GRM3: variants seen among roughly 807,000 people sequenced by gnomAD.
The protein encoded by GRM3 is metabotropic glutamate receptor 3.
Under a neutral mutation model 70.5 loss-of-function variants are expected in GRM3, and 26 were observed. The ratio of observed to expected loss-of-function variants is 0.37; its 90% CI spans 0.27 to 0.51. The LOEUF is 0.51. Ranked by LOEUF, GRM3 falls within the 20% of genes least tolerant of loss-of-function variation. The pLI is 0.93. For missense variants in GRM3, 859 were observed against 1,123.8 expected, an observed-to-expected ratio of 0.76 and a Z score of 3.37; for synonymous variants, 443 against 434.9, an observed-to-expected ratio of 1.02 and a Z score of -0.23.
intron 1 of GRM3, among the ~76,000 whole-genome samples, chr7:86,674,496 C>G (rs758709102): frequency 1.3e-5 from 2 of 152,136 alleles, no homozygotes; most frequent in Non-Finnish European, 2.9e-5. Flanking sequence ...AAATTAGGCT[C>G]TACCTTCTAA....
At chr7:86,838,182 G>C (rs1186252810) in intron 3 of GRM3, among the ~76,000 whole-genome samples, 1 of 152,068 alleles carries the variant, frequency 6.6e-6, no homozygotes, top group Non-Finnish European at 1.5e-5. Context: ...GTATTTGTGT[G>C]AATATGAGCA....
At chr7:86,769,933 C>T (rs759813940) in intron 2 of GRM3, among the ~76,000 whole-genome samples, 2 of 152,238 alleles carry the variant, frequency 1.3e-5, no homozygotes, top group Middle Eastern at 3.4e-3. Flanking sequence ...CTGTATCCTG[C>T]ACTTCTCCAT....
intron 2 of GRM3, among the ~76,000 whole-genome samples, chr7:86,785,286 T>A (rs1584241761): frequency 6.6e-6 from 1 of 152,192 alleles, no homozygotes; most frequent in South Asian, 2.1e-4. Context: ...TCAGTATGCA[T>A]ATAATCTGTT....
intron 3 of GRM3, among the ~76,000 whole-genome samples, chr7:86,831,078 C>G (rs1424934031): frequency 1.3e-5 from 2 of 152,136 alleles, no homozygotes; most frequent in Non-Finnish European, 2.9e-5. Context: ...TCAGGCAGAC[C>G]ATGAGACAAT....
chr7:86,658,286 T>C (rs1302530661), intron 1 of GRM3, among the ~76,000 whole-genome samples: 1 of 152,184 alleles, frequency 6.6e-6, no homozygotes, highest in Non-Finnish European at 1.5e-5. Context: ...TCTTTGCTCT[T>C]GCTATAATTG....
intron 1 of GRM3, 67 bp from the exon 2 acceptor site, chr7:86,764,939 G>C: frequency 8.7e-7 from 1 of 1,143,610 alleles, no homozygotes; most frequent in Non-Finnish European, 1.2e-6. Flanking sequence ...GGTCTGATTG[G>C]GCATGATCGA....
At chr7:86,823,970 A>C (rs1023238711) in intron 3 of GRM3, among the ~76,000 whole-genome samples, 16 of 152,198 alleles carry the variant, frequency 1.1e-4, no homozygotes, top group South Asian at 8.3e-4. Context: ...TGCAGTGGGG[A>C]GAGAGAGCCT....
chr7:86,678,504 C>T (rs748847146), intron 1 of GRM3, among the ~76,000 whole-genome samples: 14 of 151,944 alleles, frequency 9.2e-5, no homozygotes, highest in Non-Finnish European at 1.6e-4. Flanking sequence ...GGTGATTCCA[C>T]GGTGTCTAAG....
At chr7:86,860,317 T>C (rs1270691002) in intron 5 of GRM3, among the ~76,000 whole-genome samples, 1 of 152,168 alleles carries the variant, frequency 6.6e-6, no homozygotes, top group East Asian at 1.9e-4. Context: ...ACAGGAGGCA[T>C]ATGTAAAATA....
intron 1 of GRM3, among the ~76,000 whole-genome samples, chr7:86,738,262 A>T (rs1380701587): frequency 6.6e-6 from 1 of 152,210 alleles, no homozygotes; most frequent in Non-Finnish European, 1.5e-5. Context: ...AAATGGAGCT[A>T]GACTGGAAGA....
At chr7:86,712,142 C>T (rs2116177022) in intron 1 of GRM3, among the ~76,000 whole-genome samples, 1 of 152,116 alleles carries the variant, frequency 6.6e-6, no homozygotes, top group Middle Eastern at 3.4e-3. Context: ...CTTACTTTAC[C>T]TTTGACTTGC....
intron 5 of GRM3, among the ~76,000 whole-genome samples, chr7:86,860,924 A>G (rs1275471401): frequency 6.6e-6 from 1 of 152,210 alleles, no homozygotes; most frequent in Non-Finnish European, 1.5e-5. Flanking sequence ...TCAGATACAA[A>G]CTTAAGAGGG....
chr7:86,747,044 A>C (rs917386225), intron 1 of GRM3, among the ~76,000 whole-genome samples: 4 of 152,116 alleles, frequency 2.6e-5, no homozygotes, highest in Non-Finnish European at 5.9e-5. Flanking sequence ...AGACAAGGCT[A>C]TTCACTGCTC....
At chr7:86,650,009 G>A (rs899438877) in intron 1 of GRM3, among the ~76,000 whole-genome samples, 5 of 152,144 alleles carry the variant, frequency 3.3e-5, no homozygotes, top group African/African-American at 1.2e-4. Flanking sequence ...CTTAACAGAT[G>A]CATTCATATT....
At chr7:86,826,491 T>C (rs1428708083) in intron 3 of GRM3, among the ~76,000 whole-genome samples, 1 of 151,662 alleles carries the variant, frequency 6.6e-6, no homozygotes. Flanking sequence ...TGGGGTAAGG[T>C]GGGAGGAATG....
intron 2 of GRM3, chr7:86,775,281 C>T (rs1455452746): frequency 6.6e-6 from 1 of 151,868 alleles, no homozygotes; most frequent in Non-Finnish European, 1.5e-5. Flanking sequence ...CCTGTAATGA[C>T]AAAAAGAGGA....
intron 1 of GRM3, among the ~76,000 whole-genome samples, chr7:86,703,249 T>C (rs1164716233): frequency 6.6e-6 from 1 of 152,014 alleles, no homozygotes. Flanking sequence ...GGCAAAGTTT[T>C]TATTGGTTAA....
intron 3 of GRM3, among the ~76,000 whole-genome samples, chr7:86,828,508 C>T (rs983220987): frequency 1.3e-5 from 2 of 152,162 alleles, no homozygotes; most frequent in Non-Finnish European, 2.9e-5. Context: ...GTTTCCAGTG[C>T]ATATAAAAGT....
chr7:86,823,609 G>C (rs866364609), intron 3 of GRM3, among the ~76,000 whole-genome samples: 12 of 116,300 alleles, frequency 1.0e-4, no homozygotes, highest in Admixed American at 2.6e-4. Context: ...TTTTTTTGGC[G>C]GGGGGGGATT....
Sources: allele counts gnomAD v4.1 joint callset (sites outside exome capture counted in the v4.1 genomes callset), GRCh38; gene constraint gnomAD v4.1.1; transcripts MANE v1.5; gene names NCBI Gene and HGNC (gene_info 2026-07-23, HGNC 2026-07-21).